Variants in DOCK2 observed in about 807,000 individuals in gnomAD.
The protein encoded by DOCK2 is dedicator of cytokinesis 2, also known as dedicator of cytokinesis protein 2.
Under a neutral mutation model 248.9 loss-of-function variants are expected in DOCK2, and 87 were observed. That is an observed-to-expected ratio of 0.35 (90% CI 0.29 to 0.42). The LOEUF (loss-of-function observed/expected upper bound fraction) is 0.42. DOCK2 is among the 10% of genes least tolerant of loss of function. The pLI, the probability that DOCK2 is intolerant of heterozygous loss-of-function variation, is 1.00. For synonymous variants in DOCK2, 805 were observed against 821.6 expected (o/e 0.98, Z 0.35); for missense variants, 1,747 against 2,300.2 (o/e 0.76, Z 4.92).
intron 36 of DOCK2, among the ~76,000 whole-genome samples, chr5:170,037,017 T>C (rs1756346015): frequency 6.6e-6 from 1 of 152,154 alleles, no homozygotes; most frequent in Non-Finnish European, 1.5e-5. Flanking sequence ...ATCATGAAGG[T>C]TTTTTGGGGA....
At chr5:169,721,190 T>G (rs1350377560) in intron 22 of DOCK2, among the ~76,000 whole-genome samples, 3 of 152,386 alleles carry the variant, frequency 2.0e-5, no homozygotes, top group Admixed American at 1.3e-4. Context: ...ACGTAAATGC[T>G]AAGTGACTTT....
chr5:170,070,989 C>T (rs1184192846), intron 46 of DOCK2, among the ~76,000 whole-genome samples: 1 of 152,136 alleles, frequency 6.6e-6, no homozygotes, highest in Non-Finnish European at 1.5e-5. Flanking sequence ...AGACACCGCC[C>T]CCTAGTGGCC....
intron 22 of DOCK2, among the ~76,000 whole-genome samples, chr5:169,722,553 C>T (rs1442360861): frequency 6.6e-6 from 1 of 152,198 alleles, no homozygotes; most frequent in Non-Finnish European, 1.5e-5. Flanking sequence ...ATCTCTGCCT[C>T]TATAAGTACC....
At chr5:169,812,116 T>A (rs1419936273) in intron 26 of DOCK2, among the ~76,000 whole-genome samples, 3 of 152,198 alleles carry the variant, frequency 2.0e-5, no homozygotes, top group Non-Finnish European at 4.4e-5. Flanking sequence ...GGAACCAGGC[T>A]TCACAGCAGG....
chr5:169,687,520 C>CCT (rs1760053707), intron 8 of DOCK2, among the ~76,000 whole-genome samples: 1 of 147,760 alleles, frequency 6.8e-6, no homozygotes, highest in Non-Finnish European at 1.5e-5. Flanking sequence ...TGCTGAATCC[C>CCT]GTTATGCCTT....
intron 32 of DOCK2, among the ~76,000 whole-genome samples, 169 bp downstream of exon 32, chr5:170,008,915 A>C (rs1755170903): frequency 6.6e-6 from 1 of 152,032 alleles, no homozygotes; most frequent in Non-Finnish European, 1.5e-5. Context: ...TCTGAATAAG[A>C]GGGGTTCCCC....
At chr5:169,888,792 A>G (rs921752102) in intron 27 of DOCK2, among the ~76,000 whole-genome samples, 2 of 152,138 alleles carry the variant, frequency 1.3e-5, no homozygotes, top group Admixed American at 1.3e-4. Flanking sequence ...GTCAGTGTTC[A>G]CTCTTCAGAT....
rs116450099 is a variant in DOCK2 at position 169,713,962 on chromosome 5, T to C, written c.1660-66T>C. The C allele has an allele frequency of 2.1e-3, 3,158 of 1,494,508 alleles. 54 individuals are homozygous for C. In the African/African-American group the frequency reaches 0.037, roughly 17 times the overall value. 92.6% of individuals were successfully genotyped at this position (1,494,508 alleles called of 1,614,324 possible). A position where few individuals can be genotyped will look rare whatever the true frequency, so the allele number is the denominator to read the frequency against. ...ACTTCACAGTGTCTAATTTGTCTGC[T>C]GCAGGCTCTGTGTGGCATTGGGCAT... On this transcript the variant is annotated intron_variant, in intron 17 of 51. Transcript: ENST00000520908.
At chr5:169,751,476 T>A (rs1232550925) in intron 23 of DOCK2, among the ~76,000 whole-genome samples, 1 of 152,170 alleles carries the variant, frequency 6.6e-6, no homozygotes, top group Admixed American at 6.5e-5. Flanking sequence ...GTGCAGAGGA[T>A]ATGAATGCCC....
At chr5:170,044,600 A>G (rs967858044) in intron 38 of DOCK2, among the ~76,000 whole-genome samples, 1 of 152,152 alleles carries the variant, frequency 6.6e-6, no homozygotes, top group Non-Finnish European at 1.5e-5. Flanking sequence ...CCCAAACTTC[A>G]GGTTCAAGGT....
At chr5:169,992,346 G>C (rs1778229454) in intron 29 of DOCK2, among the ~76,000 whole-genome samples, 1 of 152,228 alleles carries the variant, frequency 6.6e-6, no homozygotes, top group Non-Finnish European at 1.5e-5. Flanking sequence ...GCAAGTGCTA[G>C]GTTGAGATCT....
chr5:169,721,699 G>T (rs1397477128), intron 22 of DOCK2, among the ~76,000 whole-genome samples: 3 of 152,116 alleles, frequency 2.0e-5, no homozygotes, highest in Non-Finnish European at 1.5e-5. Flanking sequence ...ATTATTTTTT[G>T]CACATCCTGC....
intron 27 of DOCK2, among the ~76,000 whole-genome samples, chr5:169,892,281 G>A (rs1773343253): frequency 6.6e-6 from 1 of 152,220 alleles, no homozygotes; most frequent in Non-Finnish European, 1.5e-5. Context: ...GAGACTCTGA[G>A]CAGCTGTCTT....
rs115452900 is a variant in DOCK2 at position 169,757,801 on chromosome 5, T to C, written c.2377-1904T>C. On this transcript the variant is annotated intron_variant, in intron 23 of 51. Coordinates refer to ENST00000520908, the MANE Select transcript of DOCK2 (RefSeq NM_004946.3). ...ACATGCAATTTAGTAAATATAGATGTTCAATAAATATGGAAAAGATGCTCA... is the reference window on the plus strand; with the variant it reads ...ACATGCAATTTAGTAAATATAGATGCTCAATAAATATGGAAAAGATGCTCA... Among the ~76,000 whole-genome samples, 1,261 of 152,216 alleles carry C rather than the reference T, an allele frequency of 8.3e-3. 26 individuals are homozygous for C. The highest frequency in any genetic ancestry group is 0.029 in the African/African-American group (1,186 of 41,522).
chr5:169,918,380 G>A (rs1290316296), intron 27 of DOCK2, among the ~76,000 whole-genome samples: 3 of 152,106 alleles, frequency 2.0e-5, no homozygotes, highest in Admixed American at 6.5e-5. Context: ...TCACACACAT[G>A]TACAAGGAGG....
rs1774621467 is a variant in DOCK2 at position 169,911,962 on chromosome 5, G to A, written c.2800-71106G>A. ...TTTTCATTTCCATGATGTTTCCTAG[G>A]TTGAAATTGTTCTCTCTAGAATGAT... On this transcript the variant is annotated intron_variant, in intron 27 of 51. Coordinates refer to ENST00000520908, the MANE Select transcript of DOCK2 (RefSeq NM_004946.3). Among the ~76,000 whole-genome samples, 5 of 152,240 alleles carry A rather than the reference G, an allele frequency of 3.3e-5. No individual in the cohort carries two copies. In the South Asian group the frequency reaches 1.0e-3, roughly 32 times the overall value.
intron 25 of DOCK2, among the ~76,000 whole-genome samples, chr5:169,782,296 A>G (rs1765751818): frequency 6.6e-6 from 1 of 152,000 alleles, no homozygotes; most frequent in Admixed American, 6.6e-5. Flanking sequence ...ACATCAAGAG[A>G]CAGACCCTGG....
chr5:169,692,265 C>T (rs1581043541), intron 9 of DOCK2, among the ~76,000 whole-genome samples: 1 of 152,332 alleles, frequency 6.6e-6, no homozygotes, highest in Non-Finnish European at 1.5e-5. Flanking sequence ...TGCTAACACA[C>T]AGGAAACAAG....
chr5:169,712,353 C>A, intron 17 of DOCK2, 130 bp downstream of exon 17: 1 of 686,062 alleles, frequency 1.5e-6, no homozygotes, highest in Non-Finnish European at 2.5e-6. Context: ...ACTTTGTGGC[C>A]TCTTATAAAC....
Sources: allele counts gnomAD v4.1 joint callset (sites outside exome capture counted in the v4.1 genomes callset), GRCh38; gene constraint gnomAD v4.1.1; transcripts MANE v1.5; gene names NCBI Gene and HGNC (gene_info 2026-07-23, HGNC 2026-07-21).